The following MPP1 variants were observed in gnomAD, a reference collection of about 807,000 sequenced individuals.
The protein encoded by MPP1 is 55 kDa erythrocyte membrane protein.
A neutral mutation model predicts 38.2 loss-of-function variants in MPP1; 6 were observed. That is an observed-to-expected ratio of 0.16 (90% CI 0.09 to 0.31). The LOEUF is 0.31. MPP1 is among the 10% of genes least tolerant of loss of function. The probability of loss-of-function intolerance (pLI) is 1.00; values close to 1 mark genes in which losing one functional copy is unlikely to be tolerated. For missense variants in MPP1, 293 were observed against 368.9 expected (o/e 0.79, Z 1.69); for synonymous variants, 153 against 146.3 (o/e 1.05, Z -0.33).
At position 154,781,735 on chromosome X, in the gene MPP1, C is replaced by T. The variant is rs1557266676; in HGVS notation, c.1014G>A (p.Glu338=). 13 of 1,211,907 alleles carry T rather than the reference C, an allele frequency of 1.1e-5. No homozygotes were observed. The highest frequency in any genetic ancestry group is 1.5e-5 in the Non-Finnish European group (13 of 895,512). The change falls in exon 10 of 12, where the codon GAG becomes GAA. Residue 338 remains glutamate (E), a synonymous_variant. Coordinates refer to ENST00000369534, the MANE Select transcript of MPP1 (RefSeq NM_002436.4). ...CATTGGCAGAGATGTTCCTCGTCAT[C>T]TCCTCCGTTGAGATAAAGTGGTACT... The part of the protein sequence containing the change: ...GKEYHFISTE[E]MTRNISANEF...
rs782686305 is a variant in MPP1 at position 154,791,864 on chromosome X, G to A, written c.247-17C>T. ...CGTGATTCCCTGAAATAAAGGCGAC[G>A]GCACAATAAGCTTTATTTTAAGCTC... is the stretch of plus-strand genomic sequence containing the variant. On this transcript the variant is annotated splice_polypyrimidine_tract_variant and intron_variant, in intron 2 of 11. Transcript: ENST00000369534. 18 of 1,169,402 alleles carry A rather than the reference G, an allele frequency of 1.5e-5. No homozygotes were observed. Among genetic ancestry groups the A allele is most frequent in the South Asian group, 3.6e-5 (2 of 55,371 alleles).
chrX:154,784,089 A>T lies in MPP1; in HGVS notation c.804T>A (p.Val268=). 1 of 1,209,122 alleles carries T rather than the reference A, an allele frequency of 8.3e-7. No homozygotes were observed. The highest frequency in any genetic ancestry group is 1.1e-6 in the Non-Finnish European group (1 of 893,909). Residue 268 remains valine (V), a synonymous_variant, in exon 8 of 12, where the codon GTT becomes GTA. Coordinates refer to ENST00000369534, the MANE Select transcript of MPP1 (RefSeq NM_002436.4). Reference sequence around the variant, plus strand: ...GCCGAACGACTTCCTCGTAGGAAACAACATCCAACTGATCAAAAACTAGAG... The same window carrying T: ...GCCGAACGACTTCCTCGTAGGAAACTACATCCAACTGATCAAAAACTAGAG... ...KHSSIFDQLD[V]VSYEEVVRLP... is the part of the protein sequence containing the mutation.
At chrX:154,793,182 CA>C (rs2072161155) in intron 1 of MPP1, among the ~76,000 whole-genome samples, 1 of 111,959 alleles carries the variant, frequency 8.9e-6, no homozygotes, top group Non-Finnish European at 1.9e-5. Flanking sequence ...GTCTATTCAT[CA>C]AAAAACTCCA....
In MPP1 at chrX:154,778,939, C is replaced by A; in HGVS notation, c.*238G>T. 1 of 364,003 alleles carries A rather than the reference C, an allele frequency of 2.7e-6. No homozygotes were observed. The highest frequency in any genetic ancestry group is 4.7e-6 in the Non-Finnish European group (1 of 212,239). 30.0% of individuals were successfully genotyped at this position (364,003 alleles called of 1,213,427 possible). A position where few individuals can be genotyped will look rare whatever the true frequency, so the allele number is the denominator to read the frequency against. Reference sequence around the variant, plus strand: ...GTTACATTTTGGTAGTACTTCTTACCCCCAATTTCTAGAAATCCTTTTCAA... The same window carrying A: ...GTTACATTTTGGTAGTACTTCTTACACCCAATTTCTAGAAATCCTTTTCAA... On this transcript the variant is annotated 3_prime_UTR_variant, in exon 12 of 12. Transcript: ENST00000369534.
intron 2 of MPP1, 113 bp downstream of exon 2, chrX:154,792,029 T>C: frequency 9.3e-7 from 1 of 1,076,323 alleles, no homozygotes; most frequent in South Asian, 2.1e-5. Context: ...AAAGACAATT[T>C]TGGGGTTGGC....
chrX:154,798,449 G>C (rs1296734206), intron 1 of MPP1, among the ~76,000 whole-genome samples: 1 of 112,466 alleles, frequency 8.9e-6, no homozygotes, highest in African/African-American at 3.2e-5. Flanking sequence ...AAACACTATT[G>C]ATACTAAAAC....
intron 5 of MPP1, among the ~76,000 whole-genome samples, chrX:154,789,190 A>G (rs1421629095): frequency 8.9e-6 from 1 of 112,323 alleles, no homozygotes; most frequent in Non-Finnish European, 1.9e-5. Context: ...ATACCGTCAC[A>G]CTACAAGTAA....
intron 6 of MPP1, among the ~76,000 whole-genome samples, chrX:154,785,394 A>G (rs1161353617): frequency 1.8e-5 from 2 of 110,636 alleles, no homozygotes; most frequent in African/African-American, 6.6e-5. Context: ...CATTCTGGAC[A>G]CAACCCACAA....
At chrX:154,790,087 A>G (rs932211507) in intron 4 of MPP1, 65 bp from the exon 5 acceptor site, 12 of 756,869 alleles carry the variant, frequency 1.6e-5, no homozygotes, top group Non-Finnish European at 1.9e-5. Flanking sequence ...TCATTCATTC[A>G]AAGTCCCAGG....
At chrX:154,784,006 A>C (rs1444712226) in intron 8 of MPP1, 22 bp downstream of exon 8, 2 of 1,191,440 alleles carry the variant, frequency 1.7e-6, no homozygotes, top group South Asian at 1.8e-5. Context: ...AGAAATGTGC[A>C]AATGGGGCAA....
intron 1 of MPP1, chrX:154,792,488 C>T: frequency 9.9e-6 from 4 of 402,667 alleles, no homozygotes; most frequent in Non-Finnish European, 1.7e-5. Flanking sequence ...TGGTGGTGTG[C>T]ACCTGTAGTC....
chrX:154,797,893 A>G (rs1292427423), intron 1 of MPP1, among the ~76,000 whole-genome samples: 3 of 112,378 alleles, frequency 2.7e-5, no homozygotes, highest in Admixed American at 1.9e-4. Context: ...TATATAGAAT[A>G]TAAAAAGAGA....
At chrX:154,791,421 T>TCA (rs1557267721) in intron 3 of MPP1, among the ~76,000 whole-genome samples, 18 of 112,452 alleles carry the variant, frequency 1.6e-4, no homozygotes, top group Non-Finnish European at 3.2e-4. Flanking sequence ...CTTTGTTGTT[T>TCA]AGCTCAAACC....
intron 1 of MPP1, among the ~76,000 whole-genome samples, chrX:154,795,700 G>A (rs1603430229): frequency 9.0e-6 from 1 of 111,713 alleles, no homozygotes; most frequent in East Asian, 2.8e-4. Context: ...GGGAGGTCAA[G>A]GCTGCAGTGA....
chrX:154,793,767 C>T (rs782693029), intron 1 of MPP1, among the ~76,000 whole-genome samples: 4 of 112,119 alleles, frequency 3.6e-5, no homozygotes, highest in African/African-American at 9.7e-5. Flanking sequence ...ATTTTCAAAA[C>T]TGAAAATTTA....
intron 1 of MPP1, among the ~76,000 whole-genome samples, chrX:154,796,057 G>A (rs906217581): frequency 1.8e-5 from 2 of 110,385 alleles, no homozygotes; most frequent in African/African-American, 6.6e-5. Flanking sequence ...ACGGGAGGAG[G>A]GAAATAGAAA....
intron 6 of MPP1, among the ~76,000 whole-genome samples, chrX:154,785,551 AAAC>A (rs782625333): frequency 2.0e-4 from 22 of 111,905 alleles, no homozygotes; most frequent in East Asian, 2.8e-4. Flanking sequence ...TATATATCTA[AAAC>A]AACTGCTTCA....
At position 154,779,219 on chromosome X, in the gene MPP1, C is replaced by A. The variant is rs782422219; in HGVS notation, c.1359G>T (p.Ala453=). 4.6e-5 allele frequency: 56 copies of A among 1,211,535 alleles called. No individual in the cohort carries two copies. Among genetic ancestry groups the A allele is most frequent in the Non-Finnish European group, 6.1e-5 (55 of 895,366 alleles). Residue 453 remains alanine (A), a synonymous_variant, in exon 12 of 12, where the codon GCG becomes GCT. Coordinates refer to ENST00000369534, the MANE Select transcript of MPP1 (RefSeq NM_002436.4). ...CAGGCACCCACTGTGGAGAACTGCACGCTTGGTCGAAGGCTTCTTGTAATT... is the reference window on the plus strand; with the variant it reads ...CAGGCACCCACTGTGGAGAACTGCAAGCTTGGTCGAAGGCTTCTTGTAATT... ...LKKLQEAFDQ[A]CSSPQWVPVS... is the part of the protein sequence containing the mutation.
chrX:154,783,603 G>T (rs2072034962), intron 8 of MPP1, 96 bp from the exon 9 acceptor site: 1 of 702,229 alleles, frequency 1.4e-6, no homozygotes, highest in Non-Finnish European at 2.1e-6. Flanking sequence ...CTGCCAACAG[G>T]TGAACATGAG....
Sources: gnomAD v4.1 joint callset for allele counts (sites outside exome capture counted in the v4.1 genomes callset) on GRCh38, gnomAD v4.1.1 for gene constraint, MANE v1.5 for transcripts, NCBI Gene and HGNC (gene_info 2026-07-23, HGNC 2026-07-21) for gene names.